Variants in ANO2 observed in about 807,000 individuals in gnomAD.
ANO2 encodes the protein anoctamin-2.
Under a neutral mutation model 124.2 loss-of-function variants are expected in ANO2, and 101 were observed. The observed-to-expected ratio is 0.81, with a 90% CI of 0.69 to 0.96. ANO2 has a LOEUF of 0.96. Ranked by LOEUF, ANO2 falls within the 40% of genes least tolerant of loss-of-function variation. ANO2 has a pLI of 0.00. For missense variants in ANO2, 1,293 were observed against 1,274.5 expected, an observed-to-expected ratio of 1.01 and a Z score of -0.22; for synonymous variants, 486 against 482.5, an observed-to-expected ratio of 1.01 and a Z score of -0.09.
chr12:5,639,497 G>A (rs552474896), intron 15 of ANO2, among the ~76,000 whole-genome samples: 13 of 152,296 alleles, frequency 8.5e-5, no homozygotes, highest in African/African-American at 2.2e-4. Flanking sequence ...CCTTCAGCAC[G>A]AGAAATACCG....
In ANO2 at chr12:5,808,326, C is replaced by A. The variant is rs776084841; in HGVS notation, c.893-958G>T. Among the ~76,000 whole-genome samples the A allele has an allele frequency of 3.9e-5, 6 of 152,314 alleles. 1 individual carries two copies. ...ACTCCATTATACTCACAACAGAGAACCTTCTGCGCAGCATAAAGTCGTCGT... is the reference window on the plus strand; with the variant it reads ...ACTCCATTATACTCACAACAGAGAAACTTCTGCGCAGCATAAAGTCGTCGT... On this transcript the variant is annotated intron_variant, in intron 7 of 24. Transcript: ENST00000682330.
At chr12:5,791,724 A>G (rs1030301158) in intron 10 of ANO2, among the ~76,000 whole-genome samples, 23 of 152,212 alleles carry the variant, frequency 1.5e-4, no homozygotes, top group Non-Finnish European at 3.1e-4. Context: ...AATGAAGATA[A>G]GAATACCCAC....
In ANO2 at chr12:5,667,699, AC is replaced by A. The variant is rs1225563437; in HGVS notation, c.1546-19899del. On this transcript the variant is annotated intron_variant, in intron 14 of 24. Coordinates refer to ENST00000682330, the MANE Select transcript of ANO2 (RefSeq NM_001364791.2). ...AGATATTTTGCCTAATGCTCTCCCT[AC>A]CCCCTTCCATCTCCCAACAGGCCCC... is the stretch of plus-strand genomic sequence containing the variant. Among the ~76,000 whole-genome samples, 9 of 151,502 alleles carry A rather than the reference AC, an allele frequency of 5.9e-5. No homozygotes were observed. The South Asian group carries it at 6.3e-4, about 11-fold the overall frequency.
At chr12:5,892,019 C>G (rs544809220) in intron 3 of ANO2, among the ~76,000 whole-genome samples, 1 of 150,830 alleles carries the variant, frequency 6.6e-6, no homozygotes, top group African/African-American at 2.4e-5. Context: ...CAAAAAAGGC[C>G]CAAGAAAGAG....
chr12:5,873,247 G>A (rs868347268), intron 3 of ANO2, among the ~76,000 whole-genome samples: 1 of 72,356 alleles, frequency 1.4e-5, no homozygotes, highest in Non-Finnish European at 2.9e-5. Flanking sequence ...CTCTCTCTCT[G>A]TCTGTCTCTC....
chr12:5,584,896 C>T (rs1245141615), intron 20 of ANO2, among the ~76,000 whole-genome samples: 1 of 152,160 alleles, frequency 6.6e-6, no homozygotes, highest in Admixed American at 6.5e-5. Context: ...TGCATTCATT[C>T]AGCAAGCATT....
intron 3 of ANO2, among the ~76,000 whole-genome samples, chr12:5,867,779 A>G (rs868266553): frequency 1.8e-4 from 4 of 22,680 alleles, no homozygotes; most frequent in South Asian, 5.8e-4. Context: ...CACTATAATG[A>G]AAAAAAAAAA....
chr12:5,922,487 C>G, intron 2 of ANO2, 133 bp downstream of exon 2: 1 of 1,026,386 alleles, frequency 9.7e-7, no homozygotes, highest in East Asian at 2.9e-5. Context: ...AGAAAAGGCC[C>G]TACCCAAACC....
chr12:5,851,565 A>G (rs1463122000), intron 4 of ANO2, among the ~76,000 whole-genome samples: 5 of 151,974 alleles, frequency 3.3e-5, no homozygotes, highest in Non-Finnish European at 7.4e-5. Context: ...AGCACCTGTA[A>G]TCCCAGCTAA....
intron 4 of ANO2, among the ~76,000 whole-genome samples, chr12:5,835,261 C>T (rs1305804816): frequency 1.3e-5 from 2 of 152,168 alleles, no homozygotes; most frequent in Non-Finnish European, 2.9e-5. Context: ...GCAATAGTGA[C>T]AATCTTCATG....
At chr12:5,808,330 C>T (rs939006443) in intron 7 of ANO2, among the ~76,000 whole-genome samples, 1 of 152,242 alleles carries the variant, frequency 6.6e-6, no homozygotes, top group Non-Finnish European at 1.5e-5. Flanking sequence ...AGAGAACCTT[C>T]TGCGCAGCAT....
At chr12:5,645,259 G>A (rs1946571782) in intron 15 of ANO2, among the ~76,000 whole-genome samples, 1 of 151,890 alleles carries the variant, frequency 6.6e-6, no homozygotes, top group Non-Finnish European at 1.5e-5. Context: ...CTTCAGCTTT[G>A]TCTAATTTGT....
At chr12:5,793,958 C>G (rs937455347) in intron 10 of ANO2, among the ~76,000 whole-genome samples, 5 of 152,196 alleles carry the variant, frequency 3.3e-5, no homozygotes, top group Non-Finnish European at 4.4e-5. Context: ...TGGGGCAGAG[C>G]CTTTCCACAG....
chr12:5,870,536 G>A (rs554947066), intron 3 of ANO2: 75 of 152,354 alleles, frequency 4.9e-4, no homozygotes, highest in African/African-American at 1.7e-3. Flanking sequence ...TTAGCATGAA[G>A]AACTAGCCTT....
At chr12:5,644,661 A>G (rs1946542069) in intron 15 of ANO2, among the ~76,000 whole-genome samples, 1 of 152,148 alleles carries the variant, frequency 6.6e-6, no homozygotes, top group Admixed American at 6.5e-5. Flanking sequence ...ACCACTTTAA[A>G]AGTTCTTCAT....
At chr12:5,657,282 C>T (rs1947206667) in intron 14 of ANO2, among the ~76,000 whole-genome samples, 1 of 152,084 alleles carries the variant, frequency 6.6e-6, no homozygotes, top group African/African-American at 2.4e-5. Flanking sequence ...GTAGTTTGTT[C>T]CAAAGTCCTC....
chr12:5,883,542 T>G (rs1301911033), intron 3 of ANO2, among the ~76,000 whole-genome samples: 2 of 139,184 alleles, frequency 1.4e-5, no homozygotes, highest in African/African-American at 2.6e-5. Flanking sequence ...TGTGTGTGTG[T>G]GGTGTCTGCC....
chr12:5,610,819 T>TAC (rs766401385), intron 19 of ANO2, among the ~76,000 whole-genome samples: 27,791 of 110,544 alleles, frequency 0.25, 3,463 homozygotes, highest in Admixed American at 0.32. Flanking sequence ...GAGTTGTCCA[T>TAC]ACACACACAC....
intron 3 of ANO2, among the ~76,000 whole-genome samples, chr12:5,874,154 G>A (rs917181239): frequency 2.0e-5 from 3 of 152,210 alleles, no homozygotes; most frequent in African/African-American, 4.8e-5. Flanking sequence ...AAGACCAGGA[G>A]GCTGACAGCT....
Sources: allele counts gnomAD v4.1 joint callset (sites outside exome capture counted in the v4.1 genomes callset), GRCh38; gene constraint gnomAD v4.1.1; transcripts MANE v1.5; gene names NCBI Gene and HGNC (gene_info 2026-07-23, HGNC 2026-07-21).